The following KIF14 variants were observed in gnomAD, a reference collection of about 807,000 sequenced individuals.
KIF14 encodes the protein kinesin-like protein KIF14.
Under a neutral mutation model 176.2 loss-of-function variants are expected in KIF14, and 98 were observed. The observed-to-expected ratio is 0.56, with a 90% CI of 0.47 to 0.66. The LOEUF (loss-of-function observed/expected upper bound fraction) is 0.66. Ranked by LOEUF, KIF14 falls within the 30% of genes least tolerant of loss-of-function variation. The pLI, the probability that KIF14 is intolerant of heterozygous loss-of-function variation, is 0.00. For synonymous variants in KIF14, 566 were observed against 632.2 expected (o/e 0.90, Z 1.57); for missense variants, 1,751 against 1,920.4 (o/e 0.91, Z 1.65).
At chr1:200,573,530 G>A (rs939652557) in intron 22 of KIF14, among the ~76,000 whole-genome samples, 5 of 143,866 alleles carry the variant, frequency 3.5e-5, no homozygotes, top group Non-Finnish European at 3.0e-5. Context: ...TCCGCCTCCC[G>A]GGTTCACGCC....
At chr1:200,611,774 A>C (rs1660166841) in intron 4 of KIF14, among the ~76,000 whole-genome samples, 1 of 152,182 alleles carries the variant, frequency 6.6e-6, no homozygotes, top group Non-Finnish European at 1.5e-5. Flanking sequence ...TGATATAACC[A>C]CATTTAGTTG....
intron 6 of KIF14, among the ~76,000 whole-genome samples, chr1:200,606,533 A>G (rs1659886687): frequency 6.6e-6 from 1 of 152,238 alleles, no homozygotes; most frequent in Admixed American, 6.5e-5. Flanking sequence ...ACTATGAAAG[A>G]CACATGCAAG....
intron 25 of KIF14, among the ~76,000 whole-genome samples, chr1:200,562,998 A>G (rs1457737650): frequency 6.6e-6 from 1 of 152,222 alleles, no homozygotes; most frequent in Non-Finnish European, 1.5e-5. Flanking sequence ...GTTATATTAA[A>G]AGTCATAACG....
intron 15 of KIF14, among the ~76,000 whole-genome samples, chr1:200,592,710 G>T (rs1158919774): frequency 1.3e-5 from 2 of 152,108 alleles, no homozygotes; most frequent in African/African-American, 4.8e-5. Flanking sequence ...TTAACAACAG[G>T]GATATGTTCT....
intron 23 of KIF14, among the ~76,000 whole-genome samples, chr1:200,567,027 A>G (rs1211207041): frequency 2.0e-5 from 3 of 151,860 alleles, no homozygotes; most frequent in African/African-American, 7.3e-5. Context: ...ATGAAAAATC[A>G]GCCAGGCATG....
intron 26 of KIF14, among the ~76,000 whole-genome samples, chr1:200,560,185 G>A (rs190940141): frequency 1.3e-5 from 2 of 152,338 alleles, no homozygotes; most frequent in Admixed American, 1.3e-4. Context: ...CTCCACGGTG[G>A]ATGACTAGCA....
At chr1:200,583,323 A>C (rs756061583) in intron 19 of KIF14, among the ~76,000 whole-genome samples, 1 of 152,176 alleles carries the variant, frequency 6.6e-6, no homozygotes, top group Non-Finnish European at 1.5e-5. Context: ...GCAATGCTTA[A>C]AAGAGTGACA....
intron 1 of KIF14, among the ~76,000 whole-genome samples, chr1:200,620,103 AAC>A (rs2102798937): frequency 6.6e-6 from 1 of 152,354 alleles, no homozygotes; most frequent in East Asian, 1.9e-4. Context: ...TTACATAAAT[AAC>A]AGTCATTACA....
intron 4 of KIF14, among the ~76,000 whole-genome samples, chr1:200,612,877 TTC>T (rs1162396560): frequency 1.4e-5 from 2 of 143,576 alleles, no homozygotes; most frequent in African/African-American, 5.1e-5. Flanking sequence ...TTCTAGTTTA[TTC>T]TCTTTTTTTT....
chr1:200,615,750 G>A, intron 2 of KIF14, 141 bp from the exon 3 acceptor site: 1 of 754,764 alleles, frequency 1.3e-6, no homozygotes, highest in Non-Finnish European at 2.0e-6. Flanking sequence ...GGAAAATGCA[G>A]ATAAGCAAAC....
At chr1:200,594,443 G>A (rs1201780998) in intron 14 of KIF14, among the ~76,000 whole-genome samples, 14 of 145,622 alleles carry the variant, frequency 9.6e-5, no homozygotes, top group African/African-American at 3.3e-4. Context: ...GAATAAAACA[G>A]TTTTAAGTGT....
chr1:200,565,855 G>A (rs771303802), intron 23 of KIF14, among the ~76,000 whole-genome samples, 186 bp from the exon 24 acceptor site: 2 of 152,150 alleles, frequency 1.3e-5, no homozygotes, highest in Non-Finnish European at 1.5e-5. Context: ...CGTATGCTAT[G>A]TTGTACTTGT....
At chr1:200,617,057 T>G (rs751296077) in intron 2 of KIF14, among the ~76,000 whole-genome samples, 3 of 152,150 alleles carry the variant, frequency 2.0e-5, no homozygotes, top group African/African-American at 4.8e-5. Flanking sequence ...AGCCTCTGCC[T>G]CCCGGGTTCA....
intron 25 of KIF14, among the ~76,000 whole-genome samples, chr1:200,561,574 AAAAAAG>A (rs1321414347): frequency 2.0e-5 from 3 of 152,030 alleles, no homozygotes; most frequent in African/African-American, 7.2e-5. Context: ...AGAAAAAAAA[AAAAAAG>A]AAAAGAAAAA....
At chr1:200,576,982 A>G (rs1433108006) in intron 21 of KIF14, among the ~76,000 whole-genome samples, 1 of 151,870 alleles carries the variant, frequency 6.6e-6, no homozygotes, top group Non-Finnish European at 1.5e-5. Context: ...GGCACGCAAC[A>G]CCACATCTGT....
At chr1:200,605,962 A>G (rs1659860930) in intron 6 of KIF14, 68 bp from the exon 7 acceptor site, 3 of 846,802 alleles carry the variant, frequency 3.5e-6, no homozygotes, top group South Asian at 3.9e-5. Flanking sequence ...TCATAAAACA[A>G]TAACATTTCA....
At chr1:200,561,231 A>AAAAT (rs1471799384) in intron 25 of KIF14, among the ~76,000 whole-genome samples, 3 of 142,876 alleles carry the variant, frequency 2.1e-5, no homozygotes, top group African/African-American at 7.8e-5. Flanking sequence ...CTCCATCTTA[A>AAAAT]AAAAAAAAAA....
intron 27 of KIF14, among the ~76,000 whole-genome samples, chr1:200,556,762 G>A (rs1484052909): frequency 6.6e-6 from 1 of 152,196 alleles, no homozygotes; most frequent in African/African-American, 2.4e-5. Context: ...CTGCAAAAGT[G>A]GTATCACTTT....
chr1:200,559,035 G>A (rs536278902), intron 27 of KIF14, among the ~76,000 whole-genome samples: 2 of 152,112 alleles, frequency 1.3e-5, no homozygotes, highest in Non-Finnish European at 2.9e-5. Flanking sequence ...ATGACAACCA[G>A]AAAGCGAACA....
Sources: allele counts gnomAD v4.1 joint callset (sites outside exome capture counted in the v4.1 genomes callset), GRCh38; gene constraint gnomAD v4.1.1; transcripts MANE v1.5; gene names NCBI Gene and HGNC (gene_info 2026-07-23, HGNC 2026-07-21).